HAUS7: variants seen among roughly 807,000 people sequenced by gnomAD.
HAUS7 encodes HAUS augmin like complex subunit 7, also known as HAUS augmin-like complex subunit 7.
A neutral mutation model predicts 28.4 loss-of-function variants in HAUS7; 3 were observed. That is an observed-to-expected ratio of 0.11 (90% CI 0.05 to 0.27). The LOEUF (loss-of-function observed/expected upper bound fraction) is 0.27, where lower values mean the gene tolerates loss of function less well. Ranked by LOEUF, HAUS7 falls within the 10% of genes least tolerant of loss-of-function variation. The pLI, the probability that HAUS7 is intolerant of heterozygous loss-of-function variation, is 1.00. For synonymous variants in HAUS7, 165 were observed against 132.1 expected (o/e 1.25, Z -1.71); for missense variants, 284 against 297.3 (o/e 0.96, Z 0.33).
intron 4 of HAUS7, among the ~76,000 whole-genome samples, chrX:153,457,488 T>C (rs111366723): frequency 0.037 from 4,226 of 113,076 alleles, 169 homozygotes; most frequent in African/African-American, 0.13. Flanking sequence ...TACAGGAGCA[T>C]ATGTGTCTGT....
chrX:153,463,727 T>C (rs1287448225), intron 3 of HAUS7, among the ~76,000 whole-genome samples: 2 of 112,686 alleles, frequency 1.8e-5, no homozygotes, highest in African/African-American at 6.5e-5. Flanking sequence ...CCAGCCTCCT[T>C]CTTGTGCCTC....
At chrX:153,464,887 A>T (rs2089436742) in intron 3 of HAUS7, 101 bp downstream of exon 3, 4 of 592,920 alleles carry the variant, frequency 6.7e-6, no homozygotes, top group Non-Finnish European at 1.2e-5. Flanking sequence ...CATCCACACA[A>T]CATGCACCAC....
chrX:153,488,068 G>A (rs897439766), intron 1 of HAUS7, among the ~76,000 whole-genome samples: 28 of 112,985 alleles, frequency 2.5e-4, no homozygotes, highest in African/African-American at 8.7e-4. Flanking sequence ...GGCTCACAGA[G>A]ACAGCCAGGT....
At chrX:153,479,775 C>T (rs2089586989) in intron 1 of HAUS7, among the ~76,000 whole-genome samples, 1 of 111,300 alleles carries the variant, frequency 9.0e-6, no homozygotes, top group African/African-American at 3.3e-5. Context: ...TGTAGCCACA[C>T]TTGGTGGCCC....
intron 1 of HAUS7, among the ~76,000 whole-genome samples, chrX:153,488,558 C>T (rs1556989035): frequency 8.9e-6 from 1 of 112,404 alleles, no homozygotes; most frequent in Non-Finnish European, 1.9e-5. Context: ...GCTTTGGACT[C>T]GTCCCGGCAT....
chrX:153,459,848 T>G (rs781862967), intron 4 of HAUS7, among the ~76,000 whole-genome samples: 48 of 112,144 alleles, frequency 4.3e-4, no homozygotes, highest in Non-Finnish European at 7.3e-4. Context: ...AGACCTCCTC[T>G]CTACAAAAAT....
rs1209359241 is a variant in HAUS7 at position 153,480,605 on chromosome X, C to T, written c.-588-9460G>A. Reference sequence around the variant, plus strand: ...GTCAGCTGCAGCCCATCCCTGGCATCGGCCACCCAGACAAGCCTGAGGCTG... The same window carrying T: ...GTCAGCTGCAGCCCATCCCTGGCATTGGCCACCCAGACAAGCCTGAGGCTG... On this transcript the variant is annotated intron_variant, in intron 1 of 5. Coordinates refer to the HAUS7 transcript ENST00000370210. 1.2e-5 allele frequency: 9 copies of T among 753,836 alleles called. No individual in the cohort carries two copies. The South Asian group carries it at 2.7e-4, about 23-fold the overall frequency. The allele number at this position is 753,836 out of a possible 1,213,427, so 62.1% of individuals were successfully genotyped here.
upstream of HAUS7, chrX:153,470,994 T>TC (rs1485654617): frequency 1.8e-5 from 6 of 330,351 alleles, no homozygotes; most frequent in Admixed American, 1.9e-4. Context: ...GAGGGGGCGC[T>TC]CCTGCCTTGG....
intron 4 of HAUS7, among the ~76,000 whole-genome samples, chrX:153,458,215 CAGG>C (rs1411944853): frequency 8.8e-6 from 1 of 113,260 alleles, no homozygotes; most frequent in African/African-American, 3.2e-5. Context: ...GAGGCAGATT[CAGG>C]AGCACAGGTG....
chrX:153,491,478 C>T (rs1035122360), intron 1 of HAUS7, among the ~76,000 whole-genome samples: 3 of 112,733 alleles, frequency 2.7e-5, no homozygotes, highest in East Asian at 2.8e-4. Context: ...TAGATCCCTG[C>T]GCCCTGCCTC....
intron 1 of HAUS7, among the ~76,000 whole-genome samples, chrX:153,483,673 G>A (rs782289991): frequency 8.9e-6 from 1 of 112,025 alleles, no homozygotes; most frequent in East Asian, 2.8e-4. Flanking sequence ...GTTAGCCTGG[G>A]CCCTCAGTCA....
intron 4 of HAUS7, among the ~76,000 whole-genome samples, chrX:153,459,731 G>A (rs983743103): frequency 8.9e-5 from 10 of 112,308 alleles, no homozygotes; most frequent in South Asian, 3.7e-4. Flanking sequence ...AAATATATGC[G>A]GAGGACGGGC....
rs185945578 is a variant in HAUS7, at chrX:153,480,960, C to T, written c.-588-9815G>A. The T allele has an allele frequency of 5.4e-4, 404 of 754,077 alleles. 1 individual carries two copies. In the African/African-American group the frequency reaches 8.8e-3, roughly 16 times the overall value. The allele number at this position is 754,077 out of a possible 1,213,427, so 62.1% of individuals were successfully genotyped here. On this transcript the variant is annotated intron_variant, in intron 1 of 5. Transcript: ENST00000370210. ...GGACCAGGGCCAGAGGACAGGAGGC[C>T]GGGAAGACAAGGGAAGGGGCCTGAA...
intron 1 of HAUS7, among the ~76,000 whole-genome samples, chrX:153,476,310 AC>A (rs2084123126): frequency 9.0e-6 from 1 of 111,513 alleles, no homozygotes; most frequent in Non-Finnish European, 1.9e-5. Flanking sequence ...CCCAAATGTC[AC>A]TTTCTCACGG....
chrX:153,493,309 T>C (rs185279157), intron 1 of HAUS7, among the ~76,000 whole-genome samples: 5 of 111,835 alleles, frequency 4.5e-5, no homozygotes, highest in African/African-American at 1.6e-4. Flanking sequence ...CTGAGCGGAA[T>C]GTTTCCAAAT....
chrX:153,475,096 T>A (rs1556986034), upstream of HAUS7, among the ~76,000 whole-genome samples: 2 of 112,626 alleles, frequency 1.8e-5, no homozygotes, highest in East Asian at 5.6e-4. Context: ...CTCCGTTCCC[T>A]GCCGAGGTCC....
In HAUS7 at chrX:153,449,471, G is replaced by A. The variant is rs186733125; in HGVS notation, c.1046-1562C>T. Among the ~76,000 whole-genome samples the A allele has an allele frequency of 5.5e-3, 621 of 112,828 alleles. 9 individuals are homozygous for A. Among genetic ancestry groups the A allele is most frequent in the Admixed American group, 0.033 (358 of 10,746 alleles). ...AGACTGTCTTCCTAGGCTCCGGACT[G>A]TGTCCCTCGTGTGGCATCTGCCCTT... On this transcript the variant is annotated intron_variant, in intron 9 of 9. Transcript: ENST00000370211.
chrX:153,460,810 G>A (rs2089379480), intron 4 of HAUS7, among the ~76,000 whole-genome samples: 1 of 112,429 alleles, frequency 8.9e-6, no homozygotes, highest in Admixed American at 9.4e-5. Context: ...GACTGGCAGG[G>A]AGCTGGCCGT....
At chrX:153,456,085 G>A (rs1198740443) in intron 7 of HAUS7, among the ~76,000 whole-genome samples, 180 bp downstream of exon 7, 1 of 112,537 alleles carries the variant, frequency 8.9e-6, no homozygotes, top group African/African-American at 3.2e-5. Context: ...ACCTGAGGCT[G>A]ATCCCTTCCC....
Sources: gnomAD v4.1 joint callset for allele counts (sites outside exome capture counted in the v4.1 genomes callset) on GRCh38, gnomAD v4.1.1 for gene constraint, MANE v1.5 for transcripts, NCBI Gene and HGNC (gene_info 2026-07-23, HGNC 2026-07-21) for gene names.